Variants in USH2A observed in about 807,000 individuals in gnomAD.
USH2A encodes Usher syndrome 2A (autosomal recessive, mild).
USH2A carries 443 observed loss-of-function variants against 538.9 expected under a neutral mutation model. The observed-to-expected ratio is 0.82, with a 90% CI of 0.76 to 0.89. The LOEUF (loss-of-function observed/expected upper bound fraction) is 0.89. USH2A is among the 40% of genes least tolerant of loss of function. USH2A has a pLI of 0.00. For synonymous variants in USH2A, 2,413 were observed against 2,273.5 expected, an observed-to-expected ratio of 1.06 and a Z score of -1.75; for missense variants, 6,633 against 6,324.8, an observed-to-expected ratio of 1.05 and a Z score of -1.65.
chr1:216,129,859 C>T (rs1422297812), intron 21 of USH2A, among the ~76,000 whole-genome samples: 1 of 151,940 alleles, frequency 6.6e-6, no homozygotes, highest in Non-Finnish European at 1.5e-5. Flanking sequence ...TAAAAACAGA[C>T]ACATAGACCA....
At chr1:215,877,678 A>G in intron 43 of USH2A, 80 bp downstream of exon 43, 3 of 1,594,454 alleles carry the variant, frequency 1.9e-6, no homozygotes, top group Non-Finnish European at 2.6e-6. Flanking sequence ...CACACAATGA[A>G]GACACTGAGA....
intron 3 of USH2A, among the ~76,000 whole-genome samples, chr1:216,388,505 G>C (rs534482155): frequency 6.6e-6 from 1 of 152,120 alleles, no homozygotes; most frequent in South Asian, 2.1e-4. Context: ...ATTATGACTT[G>C]GAAGGAAAAT....
chr1:215,836,486 TA>T (rs1663502512), intron 47 of USH2A, among the ~76,000 whole-genome samples: 8 of 2,890 alleles, frequency 2.8e-3, no homozygotes, highest in Non-Finnish European at 6.7e-3. Flanking sequence ...ATATAATATA[TA>T]TTATATATAT....
intron 38 of USH2A, among the ~76,000 whole-genome samples, chr1:215,930,075 T>TTA (rs1666326512): frequency 6.6e-6 from 1 of 152,034 alleles, no homozygotes; most frequent in South Asian, 2.1e-4. Context: ...TTTACACTGT[T>TTA]TGTAGATTAT....
At chr1:216,009,263 C>G (rs1017982006) in intron 32 of USH2A, among the ~76,000 whole-genome samples, 2 of 152,172 alleles carry the variant, frequency 1.3e-5, no homozygotes, top group African/African-American at 2.4e-5. Flanking sequence ...CTATGGGCAA[C>G]CTTCCACCCT....
At chr1:215,745,780 GGAGTCTTA>G (rs1660453382) in intron 58 of USH2A, among the ~76,000 whole-genome samples, 1 of 152,124 alleles carries the variant, frequency 6.6e-6, no homozygotes, top group Admixed American at 6.5e-5. Flanking sequence ...CCTTGATAAT[GGAGTCTTA>G]GAGTAGGACA....
intron 47 of USH2A, among the ~76,000 whole-genome samples, chr1:215,830,435 G>T (rs1486496472): frequency 1.3e-5 from 2 of 151,994 alleles, no homozygotes; most frequent in African/African-American, 4.8e-5. Context: ...TCCAAAGAAT[G>T]TGGGGGAAGT....
intron 69 of USH2A, among the ~76,000 whole-genome samples, chr1:215,638,628 A>AG (rs1558033035): frequency 6.7e-6 from 1 of 149,026 alleles, no homozygotes; most frequent in Non-Finnish European, 1.5e-5. Context: ...CAAAAAAAAA[A>AG]AAAAAAAAAG....
At position 215,741,374 on chromosome 1, in the gene USH2A, C is replaced by T. The variant is rs1275084149; in HGVS notation, c.11711+1G>A. ...AAAATAATAGTAACAGCCAATCTTA[C>T]CTGTAAATAAAGTAGTTGATGATGA... is the stretch of plus-strand genomic sequence containing the variant. On this transcript the variant is annotated splice_donor_variant, in intron 60 of 71. Coordinates refer to ENST00000307340, the MANE Select transcript of USH2A (RefSeq NM_206933.4). LOFTEE classifies it high-confidence loss of function. 1 of 1,613,150 alleles carries T rather than the reference C, an allele frequency of 6.2e-7. No individual in the cohort carries two copies. The highest frequency in any genetic ancestry group is 8.5e-7 in the Non-Finnish European group (1 of 1,179,492).
At chr1:215,958,311 A>T (rs1007181556) in intron 37 of USH2A, among the ~76,000 whole-genome samples, 3 of 152,146 alleles carry the variant, frequency 2.0e-5, no homozygotes, top group Admixed American at 2.0e-4. Flanking sequence ...GAATATACTG[A>T]CATTCTAAAG....
chr1:216,216,641 T>A (rs1222630017), intron 15 of USH2A, among the ~76,000 whole-genome samples: 1 of 152,060 alleles, frequency 6.6e-6, no homozygotes, highest in Non-Finnish European at 1.5e-5. Flanking sequence ...GGTAAGGATG[T>A]ATGATCTTGA....
At chr1:216,420,049 T>C (rs985394643) in intron 2 of USH2A, among the ~76,000 whole-genome samples, 13 of 152,142 alleles carry the variant, frequency 8.5e-5, no homozygotes, top group African/African-American at 2.9e-4. Flanking sequence ...AATAAAAGTT[T>C]TATATAAATT....
intron 61 of USH2A, among the ~76,000 whole-genome samples, chr1:215,712,210 A>G (rs751754318): frequency 1.4e-4 from 21 of 152,222 alleles, no homozygotes; most frequent in Admixed American, 2.6e-4. Flanking sequence ...GCCCAGTAAT[A>G]TTTAGAAAGC....
chr1:215,741,491 T>C lies in USH2A; in HGVS notation c.11595A>G (p.Ala3865=), dbSNP rs775276138. The C allele has an allele frequency of 6.2e-7, 1 of 1,613,904 alleles. No homozygotes were observed. The change falls in exon 60 of 72, where the codon GCA becomes GCG. Residue 3865 remains alanine, a synonymous_variant. Transcript: ENST00000307340. ...CAGGAGAATTAAGATCCATTGGGGC[T>C]GCTTCAGGTGTTTTGACAAACATCC... ...SSRMFVKTPE[A]APMDLNSPVL...
intron 35 of USH2A, among the ~76,000 whole-genome samples, chr1:215,976,405 G>A (rs1667620956): frequency 6.6e-6 from 1 of 152,108 alleles, no homozygotes; most frequent in Non-Finnish European, 1.5e-5. Flanking sequence ...CAGATAGAAT[G>A]CTTCCAGCTT....
intron 52 of USH2A, among the ~76,000 whole-genome samples, chr1:215,783,870 T>C (rs1661716816): frequency 6.6e-6 from 1 of 152,066 alleles, no homozygotes; most frequent in Non-Finnish European, 1.5e-5. Context: ...GGACGTGGAG[T>C]TAATTCTCAG....
At chr1:215,974,067 G>C (rs1667562245) in intron 35 of USH2A, among the ~76,000 whole-genome samples, 1 of 151,450 alleles carries the variant, frequency 6.6e-6, no homozygotes, top group Non-Finnish European at 1.5e-5. Context: ...TGTAGGACTA[G>C]TATTATATTG....
intron 9 of USH2A, among the ~76,000 whole-genome samples, chr1:216,319,075 C>T (rs998811871): frequency 6.6e-6 from 1 of 152,118 alleles, no homozygotes; most frequent in East Asian, 1.9e-4. Context: ...AAGGTATTAG[C>T]CAAACTGTAG....
At chr1:215,831,782 A>G (rs985744479) in intron 47 of USH2A, among the ~76,000 whole-genome samples, 2 of 152,126 alleles carry the variant, frequency 1.3e-5, no homozygotes, top group Non-Finnish European at 2.9e-5. Flanking sequence ...AGCAATAGCA[A>G]GGCAAGAGGG....
Sources: gnomAD v4.1 joint callset for allele counts (sites outside exome capture counted in the v4.1 genomes callset) on GRCh38, gnomAD v4.1.1 for gene constraint, MANE v1.5 for transcripts, NCBI Gene and HGNC (gene_info 2026-07-23, HGNC 2026-07-21) for gene names.